Variants in LEF1 observed in about 807,000 individuals in gnomAD.
LEF1 encodes lymphoid enhancer binding factor 1, also known as lymphoid enhancer-binding factor 1.
A neutral mutation model predicts 51.2 loss-of-function variants in LEF1; 14 were observed. That is an observed-to-expected ratio of 0.27 (90% CI 0.18 to 0.43). The LOEUF is 0.43. Ranked by LOEUF, LEF1 falls within the 20% of genes least tolerant of loss-of-function variation. The pLI is 1.00. For synonymous variants in LEF1, 185 were observed against 183.2 expected (o/e 1.01, Z -0.08); for missense variants, 386 against 512.0 (o/e 0.75, Z 2.37).
intron 2 of LEF1, 49 bp downstream of exon 2, chr4:108,165,048 T>C: frequency 6.5e-7 from 1 of 1,531,736 alleles, no homozygotes; most frequent in Admixed American, 1.7e-5. Context: ...TTTATACAAA[T>C]TGCACCCCTT....
At chr4:108,164,679 C>A (rs1215829746) in intron 2 of LEF1, among the ~76,000 whole-genome samples, 1 of 152,134 alleles carries the variant, frequency 6.6e-6, no homozygotes, top group East Asian at 1.9e-4. Context: ...TAATAAGGAA[C>A]AAGAAACAGC....
At chr4:108,142,474 T>C (rs910444725) in intron 3 of LEF1, among the ~76,000 whole-genome samples, 2 of 152,044 alleles carry the variant, frequency 1.3e-5, no homozygotes, top group Admixed American at 1.3e-4. Context: ...CCAAAATACA[T>C]CAACACTAGT....
intron 3 of LEF1, among the ~76,000 whole-genome samples, chr4:108,108,389 C>T (rs139630013): frequency 6.6e-6 from 1 of 152,122 alleles, no homozygotes; most frequent in Non-Finnish European, 1.5e-5. Flanking sequence ...TTGACTCACT[C>T]GTAGTATACC....
At chr4:108,161,040 G>A (rs1242845444) in intron 3 of LEF1, among the ~76,000 whole-genome samples, 1 of 152,208 alleles carries the variant, frequency 6.6e-6, no homozygotes, top group Non-Finnish European at 1.5e-5. Context: ...TGGTCACCAT[G>A]CTCCTGACAC....
intron 3 of LEF1, among the ~76,000 whole-genome samples, chr4:108,111,390 T>C (rs984826751): frequency 1.3e-5 from 2 of 152,136 alleles, no homozygotes; most frequent in Non-Finnish European, 2.9e-5. Flanking sequence ...ATGAACTGCA[T>C]CATTGACTAA....
intron 11 of LEF1, among the ~76,000 whole-genome samples, chr4:108,054,009 G>A (rs564506013): frequency 2.0e-5 from 3 of 151,990 alleles, no homozygotes; most frequent in Non-Finnish European, 2.9e-5. Context: ...GTCTTTTTTT[G>A]TTTTGTTTAC....
chr4:108,091,079 A>G (rs1739989249), intron 3 of LEF1, among the ~76,000 whole-genome samples: 1 of 152,182 alleles, frequency 6.6e-6, no homozygotes, highest in Admixed American at 6.5e-5. Flanking sequence ...AGTTTGAATT[A>G]GTAAGATCTT....
At chr4:108,124,958 G>A (rs1440734670) in intron 3 of LEF1, among the ~76,000 whole-genome samples, 1 of 152,068 alleles carries the variant, frequency 6.6e-6, no homozygotes, top group African/African-American at 2.4e-5. Flanking sequence ...TTCTTGACTG[G>A]TTATATCTGA....
At chr4:108,115,276 T>C (rs918712594) in intron 3 of LEF1, among the ~76,000 whole-genome samples, 9 of 152,254 alleles carry the variant, frequency 5.9e-5, no homozygotes, top group African/African-American at 2.2e-4. Flanking sequence ...TAGTAGTAAG[T>C]AGAAACAGTG....
intron 8 of LEF1, among the ~76,000 whole-genome samples, chr4:108,074,405 G>C (rs1191636859): frequency 6.6e-6 from 1 of 152,106 alleles, no homozygotes; most frequent in African/African-American, 2.4e-5. Flanking sequence ...AGCCAGGAAG[G>C]TCTGAAGAGA....
intron 9 of LEF1, among the ~76,000 whole-genome samples, chr4:108,068,977 T>C (rs1738268890): frequency 6.6e-6 from 1 of 152,218 alleles, no homozygotes. Flanking sequence ...AATGTTGTGT[T>C]CTCCCAAATA....
intron 8 of LEF1, among the ~76,000 whole-genome samples, chr4:108,076,347 T>C (rs766456275): frequency 1.3e-5 from 2 of 152,198 alleles, no homozygotes; most frequent in African/African-American, 2.4e-5. Context: ...CAATGATTTA[T>C]AGATCTGTAA....
Position 108,167,654 on chromosome 4 carries a change from G to A in LEF1, c.114C>T (p.Phe38=), listed in dbSNP as rs1163116992. Residue 38 remains phenylalanine (F), a synonymous_variant, in exon 1 of 12, where the codon TTC becomes TTT. Transcript: ENST00000265165. The surrounding 1 kb of genome is among the most constrained non-coding windows in gnomAD (Gnocchi z 5.7). ...DEGDPQKEKI[F]AEISHPEEEG... is the part of the protein sequence containing the mutation. ...CCTCTTCGGGATGACTGATCTCGGC[G>A]AAGATCTTTTCCTTCTGAGGATCGC... 1.2e-6 allele frequency: 2 copies of A among 1,614,194 alleles called. No individual in the cohort carries two copies. Among genetic ancestry groups the A allele is most frequent in the East Asian group, 2.2e-5 (1 of 44,870 alleles).
At chr4:108,164,771 A>G (rs2110425789) in intron 2 of LEF1, among the ~76,000 whole-genome samples, 1 of 152,330 alleles carries the variant, frequency 6.6e-6, no homozygotes, top group South Asian at 2.1e-4. Flanking sequence ...TTAATAATAT[A>G]TTAAAAATAC....
chr4:108,146,701 A>G (rs1416362733), intron 3 of LEF1, among the ~76,000 whole-genome samples: 1 of 152,238 alleles, frequency 6.6e-6, no homozygotes, highest in Non-Finnish European at 1.5e-5. Flanking sequence ...GGGAAAATCA[A>G]TATCCTAAAA....
At chr4:108,092,109 C>G (rs1740064271) in intron 3 of LEF1, among the ~76,000 whole-genome samples, 1 of 152,110 alleles carries the variant, frequency 6.6e-6, no homozygotes, top group African/African-American at 2.4e-5. Flanking sequence ...AATCTGGTGC[C>G]ATGAATTTTT....
At chr4:108,086,920 G>A (rs1176191454) in intron 4 of LEF1, among the ~76,000 whole-genome samples, 2 of 151,700 alleles carry the variant, frequency 1.3e-5, no homozygotes, top group Non-Finnish European at 2.9e-5. Flanking sequence ...AATGAGCTCT[G>A]CTGGCAAACA....
chr4:108,100,790 T>C (rs147503339), intron 3 of LEF1, among the ~76,000 whole-genome samples: 238 of 152,332 alleles, frequency 1.6e-3, no homozygotes, highest in Non-Finnish European at 2.1e-3. Context: ...CTTGAGCTAA[T>C]TGTTTCACAT....
intron 3 of LEF1, among the ~76,000 whole-genome samples, chr4:108,163,163 C>A (rs1458352833): frequency 1.3e-5 from 2 of 152,152 alleles, no homozygotes; most frequent in Non-Finnish European, 2.9e-5. Context: ...ACATTCAGCT[C>A]CAAATGAGCT....
Sources: allele counts gnomAD v4.1 joint callset (sites outside exome capture counted in the v4.1 genomes callset), GRCh38; gene constraint gnomAD v4.1.1; non-coding constraint Gnocchi (gnomAD v3.1); transcripts MANE v1.5; gene names NCBI Gene and HGNC (gene_info 2026-07-23, HGNC 2026-07-21).